Variants in NRDC observed in about 807,000 individuals in gnomAD.
NRDC encodes nardilysin.
Under a neutral mutation model 147.1 loss-of-function variants are expected in NRDC, and 54 were observed. The observed-to-expected ratio is 0.37, with a 90% CI of 0.29 to 0.46. NRDC has a LOEUF of 0.46. Ranked by LOEUF, NRDC falls within the 20% of genes least tolerant of loss-of-function variation. The pLI, the probability that NRDC is intolerant of heterozygous loss-of-function variation, is 1.00. For synonymous variants in NRDC, 440 were observed against 482.1 expected, an observed-to-expected ratio of 0.91 and a Z score of 1.14; for missense variants, 1,082 against 1,370.6, an observed-to-expected ratio of 0.79 and a Z score of 3.33.
chr1:51,810,701 T>G (rs1230619942), intron 15 of NRDC, among the ~76,000 whole-genome samples: 11 of 152,258 alleles, frequency 7.2e-5, no homozygotes. Flanking sequence ...CCTTTACTAC[T>G]AAGCTTCTAC....
In NRDC at chr1:51,823,727, A is replaced by G. The variant is rs777550483; in HGVS notation, c.1096T>C (p.Leu366=). 19 of 1,606,852 alleles carry G rather than the reference A, an allele frequency of 1.2e-5. No individual in the cohort carries two copies. The African/African-American group carries it at 1.2e-4, about 10-fold the overall frequency. ...RKNNIDTHAR[L]REFWMRYYSS... is the part of the protein sequence containing the mutation. Reference sequence around the variant, plus strand: ...TAGTAACGCATCCAGAATTCTCTCAATCTAGCATGTGTATCAATATTATTC... The same window carrying G: ...TAGTAACGCATCCAGAATTCTCTCAGTCTAGCATGTGTATCAATATTATTC... Residue 366 remains leucine (L), a synonymous_variant, in exon 7 of 31, where the codon TTG becomes CTG. Coordinates refer to ENST00000352171, the MANE Select transcript of NRDC (RefSeq NM_001101662.2).
intron 11 of NRDC, among the ~76,000 whole-genome samples, chr1:51,815,602 C>T (rs574719777): frequency 1.3e-5 from 2 of 152,186 alleles, no homozygotes; most frequent in African/African-American, 2.4e-5. Context: ...TACATATGAA[C>T]CCAATATCAT....
rs971483887 is a variant in NRDC at position 51,878,697 on chromosome 1, T to C, written c.-82A>G. The C allele has an allele frequency of 6.1e-5, 78 of 1,279,014 alleles. No individual in the cohort carries two copies. In the South Asian group the frequency reaches 8.6e-4, roughly 14 times the overall value. The allele number at this position is 1,279,014 out of a possible 1,614,324, so 79.2% of individuals were successfully genotyped here. On this transcript the variant is annotated 5_prime_UTR_variant, in exon 1 of 31. Coordinates refer to ENST00000352171, the MANE Select transcript of NRDC (RefSeq NM_001101662.2). ...TTCTAGAGGCGGTGGCGGCCGGCCC[T>C]GGTGCTGCCGCAGCCGCGGGGAACA...
chr1:51,793,087 T>C (rs1260590687), intron 24 of NRDC, among the ~76,000 whole-genome samples: 1 of 152,200 alleles, frequency 6.6e-6, no homozygotes, highest in Non-Finnish European at 1.5e-5. Context: ...TATGTGCCCT[T>C]GCAAGACCTG....
chr1:51,847,279 C>T (rs927153028), intron 1 of NRDC, among the ~76,000 whole-genome samples: 5 of 152,228 alleles, frequency 3.3e-5, no homozygotes, highest in African/African-American at 9.6e-5. Flanking sequence ...AAAGGTTCTC[C>T]GAGTCCCCAC....
intron 8 of NRDC, among the ~76,000 whole-genome samples, chr1:51,820,455 AT>A (rs1193950743): frequency 6.6e-6 from 1 of 152,010 alleles, no homozygotes; most frequent in African/African-American, 2.4e-5. Flanking sequence ...AATATATGAG[AT>A]TTTTTTTAAT....
chr1:51,819,913 A>C (rs1176901297), intron 8 of NRDC, 40 bp from the exon 9 acceptor site: 6 of 1,417,358 alleles, frequency 4.2e-6, no homozygotes, highest in South Asian at 2.4e-5. Flanking sequence ...AACTGGCAAA[A>C]GCCTTTATAA....
intron 21 of NRDC, 144 bp downstream of exon 21, chr1:51,800,412 T>C (rs1679137866): frequency 4.6e-6 from 4 of 868,858 alleles, no homozygotes; most frequent in African/African-American, 1.7e-5. Flanking sequence ...CGTAACGCTA[T>C]GCACGGGTCT....
chr1:51,833,391 A>G (rs572402724), intron 4 of NRDC, among the ~76,000 whole-genome samples: 7 of 151,668 alleles, frequency 4.6e-5, no homozygotes, highest in Non-Finnish European at 7.4e-5. Flanking sequence ...TTGATGGCCA[A>G]TTGCACCACA....
At chr1:51,847,343 G>C (rs1681691431) in intron 1 of NRDC, among the ~76,000 whole-genome samples, 1 of 152,246 alleles carries the variant, frequency 6.6e-6, no homozygotes, top group Non-Finnish European at 1.5e-5. Flanking sequence ...CGGGCCAGCA[G>C]GTGGAACTGC....
At chr1:51,876,441 T>C (rs1434964920) in intron 1 of NRDC, among the ~76,000 whole-genome samples, 1 of 152,222 alleles carries the variant, frequency 6.6e-6, no homozygotes, top group Non-Finnish European at 1.5e-5. Flanking sequence ...AACCTGAAGA[T>C]AATTTTATAC....
intron 1 of NRDC, among the ~76,000 whole-genome samples, chr1:51,861,939 AG>A (rs1335723690): frequency 1.3e-5 from 2 of 152,188 alleles, no homozygotes; most frequent in Non-Finnish European, 2.9e-5. Flanking sequence ...TCGACGACTC[AG>A]GAAGGGCCAG....
At chr1:51,843,880 A>G (rs1324030799) in intron 1 of NRDC, among the ~76,000 whole-genome samples, 1 of 151,822 alleles carries the variant, frequency 6.6e-6, no homozygotes, top group Non-Finnish European at 1.5e-5. Context: ...AAAAAAAAAA[A>G]GCCAGGGAAG....
intron 1 of NRDC, among the ~76,000 whole-genome samples, chr1:51,858,397 T>G (rs892726002): frequency 4.0e-5 from 6 of 151,684 alleles, no homozygotes; most frequent in Admixed American, 1.3e-4. Context: ...GAAATTCACT[T>G]GAGCCCAGGA....
At chr1:51,822,797 C>A (rs1194740381) in intron 7 of NRDC, among the ~76,000 whole-genome samples, 1 of 152,264 alleles carries the variant, frequency 6.6e-6, no homozygotes, top group Admixed American at 6.5e-5. Context: ...TACCATACCA[C>A]GAAACTTTAC....
At chr1:51,821,321 T>C (rs1247729143) in intron 8 of NRDC, among the ~76,000 whole-genome samples, 177 bp downstream of exon 8, 1 of 152,206 alleles carries the variant, frequency 6.6e-6, no homozygotes, top group Non-Finnish European at 1.5e-5. Flanking sequence ...GAAACTTGGC[T>C]TGTCATCTTA....
At chr1:51,814,857 G>A (rs754844500) in intron 11 of NRDC, 44 bp from the exon 12 acceptor site, 4 of 1,535,970 alleles carry the variant, frequency 2.6e-6, no homozygotes, top group African/African-American at 1.4e-5. Context: ...TTCCTGGATT[G>A]ACAGTCTACA....
At chr1:51,818,185 CTT>C in intron 9 of NRDC, 50 bp from the exon 10 acceptor site, 1 of 1,198,364 alleles carries the variant, frequency 8.3e-7, no homozygotes, top group Non-Finnish European at 1.2e-6. Flanking sequence ...TTCTCTATGA[CTT>C]TTACTACAAG....
chr1:51,802,591 C>A (rs1679261249), intron 20 of NRDC, among the ~76,000 whole-genome samples: 1 of 152,108 alleles, frequency 6.6e-6, no homozygotes, highest in Non-Finnish European at 1.5e-5. Context: ...TTATTCTTGG[C>A]TTGTTGCTGA....
Sources: allele counts gnomAD v4.1 joint callset (sites outside exome capture counted in the v4.1 genomes callset), GRCh38; gene constraint gnomAD v4.1.1; transcripts MANE v1.5; gene names NCBI Gene and HGNC (gene_info 2026-07-23, HGNC 2026-07-21).